UNC119: variants seen among roughly 807,000 people sequenced by gnomAD.
UNC119 encodes protein unc-119 homolog A.
Under a neutral mutation model 22.6 loss-of-function variants are expected in UNC119, and 15 were observed. The ratio of observed to expected loss-of-function variants is 0.66; its 90% CI spans 0.44 to 1.02. The LOEUF is 1.02. Among genes scored for constraint, UNC119 ranks in the 50% least tolerant of loss-of-function variants. The pLI is 0.00. For missense variants in UNC119, 322 were observed against 336.0 expected (o/e 0.96, Z 0.33); for synonymous variants, 138 against 139.4 (o/e 0.99, Z 0.07).
rs776791080 is a variant in UNC119, at chr17:28,548,620, G to A, written c.306C>T (p.Leu102=). Residue 102 remains leucine, a synonymous_variant, in exon 2 of 5, where the codon CTC becomes CTT. Transcript: ENST00000335765. The stretch of plus-strand genomic sequence containing the variant: ...AGACTGGGGGCTTCTTGATTTCAAA[G>A]AGGACAGTGCCTGAGTCCATGTCCC... ...KIRDMDSGTV[L]FEIKKPPVSE... The A allele has an allele frequency of 4.2e-5, 67 of 1,614,200 alleles. No homozygotes were observed. The highest frequency in any genetic ancestry group is 3.5e-4 in the Admixed American group (21 of 60,030).
Position 28,552,391 on chromosome 17 carries a change from C to T in UNC119, c.167G>A (p.Arg56Lys), listed in dbSNP as rs1476926731. Residue 56 changes from arginine (R) to lysine (K), a missense_variant, in exon 1 of 5, where the codon AGG becomes AAG. Arg to Lys is a conservative substitution (Grantham distance 26). Coordinates refer to ENST00000335765, the MANE Select transcript of UNC119 (RefSeq NM_005148.4). ...GTCCTCCGGCCCGATCGGCTGCTTCCTCTGCAGCGGCCCCGGCCTGGGCCC... is the reference window on the plus strand; with the variant it reads ...GTCCTCCGGCCCGATCGGCTGCTTCTTCTGCAGCGGCCCCGGCCTGGGCCC... ...GPGPRPGPLQRKQPIGPEDVL... is the reference protein window; with the variant it reads ...GPGPRPGPLQKKQPIGPEDVL... The T allele has an allele frequency of 5.2e-6, 8 of 1,552,114 alleles. No individual in the cohort carries two copies. The highest frequency in any genetic ancestry group is 6.9e-6 in the Non-Finnish European group (8 of 1,156,460).
rs766092142 is a variant in UNC119 at position 28,547,671 on chromosome 17, G to A, written c.610+6C>T. 1.1e-5 allele frequency: 17 copies of A among 1,614,024 alleles called. No homozygotes were observed. Among genetic ancestry groups the A allele is most frequent in the Admixed American group, 5.0e-5 (3 of 59,996 alleles). On this transcript the variant is annotated splice_donor_region_variant and intron_variant, in intron 4 of 4. Coordinates refer to ENST00000335765, the MANE Select transcript of UNC119 (RefSeq NM_005148.4). ...TCCCCACTCCCAGAAGACCCTGCCC[G>A]CGCACTCAGCTCCTCGGAGAGAGGG... is the stretch of plus-strand genomic sequence containing the variant.
chr17:28,549,459 C>A (rs2070247771), intron 1 of UNC119: 1 of 152,308 alleles, frequency 6.6e-6, no homozygotes, highest in Admixed American at 6.5e-5. Flanking sequence ...GCTCTGCTGA[C>A]TCAAGCCCAG....
At position 28,552,320 on chromosome 17, in the gene UNC119, T is replaced by C. The variant is rs763693016; in HGVS notation, c.220+18A>G. 32 of 1,530,174 alleles carry C rather than the reference T, an allele frequency of 2.1e-5. No individual in the cohort carries two copies. The South Asian group carries it at 3.6e-4, about 17-fold the overall frequency. 94.8% of individuals were successfully genotyped at this position (1,530,174 alleles called of 1,614,324 possible). A position where few individuals can be genotyped will look rare whatever the true frequency, so the allele number is the denominator to read the frequency against. ...TCCCCTTCCCACCCGCGGGCGGCGCTCCCTCGCGGGTGCTCACCACCGGTG... is the reference window on the plus strand; with the variant it reads ...TCCCCTTCCCACCCGCGGGCGGCGCCCCCTCGCGGGTGCTCACCACCGGTG... On this transcript the variant is annotated intron_variant, in intron 1 of 4. Coordinates refer to ENST00000335765, the MANE Select transcript of UNC119 (RefSeq NM_005148.4).
rs2070238525 is a variant in UNC119 at position 28,548,640 on chromosome 17, T to C, written c.286A>G (p.Met96Val). Reference protein sequence around the residue: ...IDFVRFKIRDMDSGTVLFEIK... With the variant: ...IDFVRFKIRDVDSGTVLFEIK... ...TCAAAGAGGACAGTGCCTGAGTCCA[T>C]GTCCCGAATCTTAAACCTGACAAAG... The change falls in exon 2 of 5, where the codon ATG (methionine) becomes GTG (valine). Residue 96 changes from methionine to valine, a missense_variant. Physicochemically the swap from Met to Val is conservative, Grantham distance 21. Coordinates refer to ENST00000335765, the MANE Select transcript of UNC119 (RefSeq NM_005148.4). The C allele has an allele frequency of 3.7e-6, 6 of 1,614,224 alleles. No individual in the cohort carries two copies. Among genetic ancestry groups the C allele is most frequent in the South Asian group, 2.2e-5 (2 of 91,092 alleles).
At chr17:28,552,118 A>G (rs1167035914) in intron 1 of UNC119, 7 of 710,506 alleles carry the variant, frequency 9.9e-6, no homozygotes, top group Non-Finnish European at 1.8e-5. Context: ...ATAAATCTCG[A>G]AAGGGAGAAG....
At position 28,547,718 on chromosome 17, in the gene UNC119, C is replaced by T; in HGVS notation, c.569G>A (p.Cys190Tyr). Residue 190 changes from cysteine (C) to tyrosine (Y), a missense_variant, in exon 4 of 5, where the codon TGC becomes TAC. Coordinates refer to ENST00000335765, the MANE Select transcript of UNC119 (RefSeq NM_005148.4). ...AGGGGGGAAGTCGTAAATGTGCTCGCAGGTGTTCTTGCTGCTGGGGATGCA... is the reference window on the plus strand; with the variant it reads ...AGGGGGGAAGTCGTAAATGTGCTCGTAGGTGTTCTTGCTGCTGGGGATGCA... ...GFCIPSSKNTCEHIYDFPPLS... is the reference protein window; with the variant it reads ...GFCIPSSKNTYEHIYDFPPLS... 3 of 1,614,224 alleles carry T rather than the reference C, an allele frequency of 1.9e-6. No homozygotes were observed. Among genetic ancestry groups the T allele is most frequent in the Non-Finnish European group, 1.7e-6 (2 of 1,180,038 alleles).
At chr17:28,551,193 C>T (rs2070265247) in intron 1 of UNC119, 1 of 152,536 alleles carries the variant, frequency 6.6e-6, no homozygotes, top group Non-Finnish European at 1.5e-5. Flanking sequence ...AGGTCCACTC[C>T]AATACATGCC....
chr17:28,548,300 T>G (rs1567610939), intron 2 of UNC119, 199 bp from the exon 3 acceptor site: 3 of 627,916 alleles, frequency 4.8e-6, no homozygotes, highest in South Asian at 2.0e-5. Context: ...GCCACTGTGC[T>G]TCCCCGGGCC....
rs992348682 is a variant in UNC119, at chr17:28,547,056, C to T, written c.*241G>A. The T allele has an allele frequency of 1.4e-4, 71 of 504,794 alleles. 1 individual carries two copies. Among genetic ancestry groups the T allele is most frequent in the African/African-American group, 1.3e-3 (68 of 51,688 alleles). The allele number at this position is 504,794 out of a possible 1,614,324, so 31.3% of individuals were successfully genotyped here. A position where few individuals can be genotyped will look rare whatever the true frequency, so the allele number is the denominator to read the frequency against. On this transcript the variant is annotated 3_prime_UTR_variant, in exon 5 of 5. Transcript: ENST00000335765. ...CCGGAAGTCCTGACTGCTCCTCTCA[C>T]AGGCCTTCCTAGACGTGGAGGCAAA... is the stretch of plus-strand genomic sequence containing the variant.
rs2151510011 is a variant in UNC119 at position 28,552,497 on chromosome 17, A to G, written c.61T>C (p.Ser21Pro). Residue 21 changes from serine to proline, a missense_variant, in exon 1 of 5, where the codon TCG becomes CCG. By Grantham distance (74) the Ser-to-Pro change is moderately conservative. Transcript: ENST00000335765. ...GGTATGGGGGCCACGCTCTGGCCCG[A>G]GGGCCCCGGAGCGGACTCCGTCGCC... The part of the protein sequence containing the change: ...GTATESAPGP[S>P]GQSVAPIPQP... 6.4e-7 allele frequency: 1 copy of G among 1,568,190 alleles called. No homozygotes were observed. Among genetic ancestry groups the G allele is most frequent in the African/African-American group, 1.4e-5 (1 of 71,586 alleles).
rs1253700255 is a variant in UNC119 at position 28,552,350 on chromosome 17, G to A, written c.208C>T (p.Arg70Trp). The change falls in exon 1 of 5, where the codon CGG becomes TGG. Residue 70 changes from arginine (R) to tryptophan (W), a missense_variant. Arg to Trp is a moderately radical substitution (Grantham distance 101). Coordinates refer to ENST00000335765, the MANE Select transcript of UNC119 (RefSeq NM_005148.4). ...CGCGGGTGCTCACCACCGGTGATCC[G>A]CTGCAGCCCCAGCACGTCCTCCGGC... ...IGPEDVLGLQ[R>W]ITGDYLCSPE... 4.6e-6 allele frequency: 7 copies of A among 1,537,240 alleles called. No individual in the cohort carries two copies. In the African/African-American group the frequency reaches 8.2e-5, roughly 18 times the overall value.
Position 28,547,349 on chromosome 17 carries a change from T to A in UNC119, c.671A>T (p.Asp224Val). Residue 224 changes from aspartate (D) to valine (V), a missense_variant, in exon 5 of 5, where the codon GAC (aspartate) becomes GTC (valine). Asp to Val is a radical substitution (Grantham distance 152). Coordinates refer to ENST00000335765, the MANE Select transcript of UNC119 (RefSeq NM_005148.4). ...TQSDSFYFVD[D>V]RLVMHNKADY... ...TGCTTTATTGTGCATCACCAGCCGG[T>A]CATCCACGAAGTAGAAGCTGTCAGA... 6.2e-7 allele frequency: 1 copy of A among 1,614,154 alleles called. No homozygotes were observed. Among genetic ancestry groups the A allele is most frequent in the Non-Finnish European group, 8.5e-7 (1 of 1,180,010 alleles).
At position 28,547,070 on chromosome 17, in the gene UNC119, C is replaced by A. The variant is rs1309243006; in HGVS notation, c.*227G>T. The A allele has an allele frequency of 3.7e-6, 2 of 536,068 alleles. No homozygotes were observed. The highest frequency in any genetic ancestry group is 1.9e-5 in the African/African-American group (1 of 52,608). 33.2% of individuals were successfully genotyped at this position (536,068 alleles called of 1,614,324 possible). A position where few individuals can be genotyped will look rare whatever the true frequency, so the allele number is the denominator to read the frequency against. Reference sequence around the variant, plus strand: ...TGCTCCTCTCACAGGCCTTCCTAGACGTGGAGGCAAACAGCCTCCCTACGA... The same window carrying A: ...TGCTCCTCTCACAGGCCTTCCTAGAAGTGGAGGCAAACAGCCTCCCTACGA... On this transcript the variant is annotated 3_prime_UTR_variant, in exon 5 of 5. Coordinates refer to ENST00000335765, the MANE Select transcript of UNC119 (RefSeq NM_005148.4).
At chr17:28,548,770 GT>G in intron 1 of UNC119, 65 bp from the exon 2 acceptor site, 2 of 1,313,004 alleles carry the variant, frequency 1.5e-6, no homozygotes, top group Non-Finnish European at 2.2e-6. Flanking sequence ...GTCAGCTTGT[GT>G]GGGACCCCAG....
intron 4 of UNC119, 98 bp from the exon 5 acceptor site, chr17:28,547,507 C>G (rs1390867626): frequency 6.3e-7 from 1 of 1,586,510 alleles, no homozygotes; most frequent in Non-Finnish European, 8.6e-7. Context: ...GCCAAACAGC[C>G]TGAAATATCC....
intron 1 of UNC119, 60 bp downstream of exon 1, chr17:28,552,278 G>A: frequency 6.8e-7 from 1 of 1,471,286 alleles, no homozygotes; most frequent in Non-Finnish European, 9.1e-7. Flanking sequence ...CGCGCCGGGA[G>A]GGCCCCTCGC....
At position 28,547,693 on chromosome 17, in the gene UNC119, AG is replaced by A. The variant is rs762519155; in HGVS notation, c.593del (p.Pro198LeufsTer6). 2.5e-6 allele frequency: 4 copies of A among 1,614,048 alleles called. No individual in the cohort carries two copies. The highest frequency in any genetic ancestry group is 1.7e-5 in the Admixed American group (1 of 60,018). ...NTCEHIYDFP[P>X]LSEELISEMI... is the part of the protein sequence containing the mutation. ...CCCGCGCACTCAGCTCCTCGGAGAG[AG>A]GGGGGAAGTCGTAAATGTGCTCGCA... On this transcript the variant is annotated frameshift_variant, in exon 4 of 5. Transcript: ENST00000335765. LOFTEE classifies it high-confidence loss of function.
At chr17:28,547,928 C>G in intron 3 of UNC119, 71 bp downstream of exon 3, 4 of 1,612,632 alleles carry the variant, frequency 2.5e-6, no homozygotes, top group Non-Finnish European at 3.4e-6. Context: ...GCCACCCCTA[C>G]GAGAGGCTGA....
Sources: allele counts gnomAD v4.1 joint callset, GRCh38; gene constraint gnomAD v4.1.1; transcripts MANE v1.5; gene names NCBI Gene and HGNC (gene_info 2026-07-23, HGNC 2026-07-21).